The following TNKS variants were observed in gnomAD, a reference collection of about 807,000 sequenced individuals.
TNKS encodes the protein tankyrase.
A neutral mutation model predicts 135.8 loss-of-function variants in TNKS; 72 were observed. That is an observed-to-expected ratio of 0.53 (90% CI 0.44 to 0.64). TNKS has a LOEUF of 0.64. Among genes scored for constraint, TNKS ranks in the 30% least tolerant of loss-of-function variants. TNKS has a pLI of 0.00. For missense variants in TNKS, 1,769 were observed against 1,674.0 expected (o/e 1.06, Z -0.99); for synonymous variants, 849 against 649.3 (o/e 1.31, Z -4.68).
At chr8:9,740,140 T>C (rs545584147) in intron 17 of TNKS, among the ~76,000 whole-genome samples, 13 of 151,284 alleles carry the variant, frequency 8.6e-5, no homozygotes, top group South Asian at 8.4e-4. Flanking sequence ...GAGAGATGGA[T>C]TGCAGTGCCT....
rs1212329914 is a variant in TNKS at position 9,779,405 on chromosome 8, T to G, written c.*2669T>G. On this transcript the variant is annotated 3_prime_UTR_variant, in exon 27 of 27. Coordinates refer to ENST00000310430, the MANE Select transcript of TNKS (RefSeq NM_003747.3). ...ATATGGCCTACCCCGAAATGGCCCCTCTGTTTCCCTAACCACATGGAAGAA... is the reference window on the plus strand; with the variant it reads ...ATATGGCCTACCCCGAAATGGCCCCGCTGTTTCCCTAACCACATGGAAGAA... 1 of 152,218 alleles carries G rather than the reference T, an allele frequency of 6.6e-6. No individual in the cohort carries two copies. The highest frequency in any genetic ancestry group is 1.9e-4 in the East Asian group (1 of 5,196). 9.4% of individuals were successfully genotyped at this position (152,218 alleles called of 1,614,324 possible).
At chr8:9,602,914 C>T (rs1366515842) in intron 2 of TNKS, among the ~76,000 whole-genome samples, 4 of 152,066 alleles carry the variant, frequency 2.6e-5, no homozygotes, top group East Asian at 1.9e-4. Flanking sequence ...ATTGAAACAA[C>T]GTTTTCATGA....
chr8:9,734,488 C>T (rs1041030429), intron 15 of TNKS, among the ~76,000 whole-genome samples: 1 of 152,146 alleles, frequency 6.6e-6, no homozygotes, highest in Non-Finnish European at 1.5e-5. Context: ...TCTTCTTTTT[C>T]ATACCTACTG....
intron 2 of TNKS, 55 bp downstream of exon 2, chr8:9,580,438 T>C: frequency 6.6e-7 from 1 of 1,510,844 alleles, no homozygotes. Flanking sequence ...TCTTACTTTT[T>C]TTGTGGTACA....
chr8:9,615,430 C>T, intron 2 of TNKS, 152 bp from the exon 3 acceptor site: 1 of 530,354 alleles, frequency 1.9e-6, no homozygotes, highest in Non-Finnish European at 3.2e-6. Flanking sequence ...TCCTTTGCTG[C>T]AGTGCTTTTT....
intron 22 of TNKS, among the ~76,000 whole-genome samples, chr8:9,763,478 G>A (rs1338358410): frequency 2.0e-5 from 3 of 152,068 alleles, no homozygotes; most frequent in African/African-American, 7.2e-5. Context: ...TTATTCTGGA[G>A]ATTTTCTTGA....
intron 2 of TNKS, among the ~76,000 whole-genome samples, chr8:9,596,224 G>A (rs562658442): frequency 1.7e-4 from 26 of 152,148 alleles, no homozygotes; most frequent in Non-Finnish European, 3.4e-4. Context: ...AGACAAATGG[G>A]TTGTGTAACC....
Position 9,698,693 on chromosome 8 carries a change from A to T in TNKS, c.1108-5970A>T, listed in dbSNP as rs184979997. 3.3e-5 allele frequency among the ~76,000 whole-genome samples: 5 copies of T among 152,352 alleles called. No individual in the cohort carries two copies. In the East Asian group the frequency reaches 9.6e-4, roughly 29 times the overall value. On this transcript the variant is annotated intron_variant, in intron 5 of 26. Coordinates refer to ENST00000310430, the MANE Select transcript of TNKS (RefSeq NM_003747.3). ...CTTCCTGGACTTACGTTGAAGCCAC[A>T]GCTTTGCAAAAGGCTTATCAGTTGT...
Position 9,764,696 on chromosome 8 carries a change from T to C in TNKS, c.3373-20T>C. Reference sequence around the variant, plus strand: ...TACACACTGGGATGTTTTTATAAAATTAGTTATTTTGTTCTGTAGATGCAA... The same window carrying C: ...TACACACTGGGATGTTTTTATAAAACTAGTTATTTTGTTCTGTAGATGCAA... On this transcript the variant is annotated intron_variant, in intron 22 of 26. Transcript: ENST00000310430. The C allele has an allele frequency of 6.4e-7, 1 of 1,573,174 alleles. No homozygotes were observed. The highest frequency in any genetic ancestry group is 2.3e-5 in the East Asian group (1 of 42,798).
intron 1 of TNKS, among the ~76,000 whole-genome samples, chr8:9,570,060 A>G (rs933659049): frequency 4.6e-5 from 7 of 152,106 alleles, no homozygotes; most frequent in African/African-American, 1.7e-4. Flanking sequence ...TCTATTTTAA[A>G]TTTATTTTGC....
chr8:9,609,812 A>C (rs564701215), intron 2 of TNKS, among the ~76,000 whole-genome samples: 3 of 152,316 alleles, frequency 2.0e-5, no homozygotes, highest in South Asian at 4.1e-4. Flanking sequence ...TAAATTCAGT[A>C]AGCCATCCTA....
At chr8:9,774,315 G>C (rs138173085) in intron 26 of TNKS, among the ~76,000 whole-genome samples, 1 of 152,126 alleles carries the variant, frequency 6.6e-6, no homozygotes, top group Non-Finnish European at 1.5e-5. Flanking sequence ...TTTCTAAAAT[G>C]GTTTCCAAAC....
intron 1 of TNKS, 174 bp downstream of exon 1, chr8:9,556,786 C>A: frequency 4.6e-6 from 2 of 434,470 alleles, no homozygotes; most frequent in South Asian, 5.0e-5. Context: ...GTGATGGGGG[C>A]GTGGTTGGGG....
At chr8:9,735,124 T>G (rs1805629694) in intron 16 of TNKS, 40 bp downstream of exon 16, 1 of 1,583,902 alleles carries the variant, frequency 6.3e-7, no homozygotes, top group African/African-American at 1.4e-5. Flanking sequence ...TTTTCCTTTC[T>G]CGGACACCTA....
At chr8:9,618,363 C>G (rs1163749738) in intron 3 of TNKS, among the ~76,000 whole-genome samples, 2 of 152,210 alleles carry the variant, frequency 1.3e-5, no homozygotes, top group Non-Finnish European at 2.9e-5. Context: ...TTAAGGGACC[C>G]TAGCACATGG....
chr8:9,606,373 A>C (rs553578677), intron 2 of TNKS, among the ~76,000 whole-genome samples: 2 of 152,122 alleles, frequency 1.3e-5, no homozygotes, highest in South Asian at 4.1e-4. Context: ...TCATAACACA[A>C]AGTAGCTAGT....
At chr8:9,756,168 G>A (rs1806824959) in intron 20 of TNKS, among the ~76,000 whole-genome samples, 1 of 152,110 alleles carries the variant, frequency 6.6e-6, no homozygotes, top group South Asian at 2.1e-4. Flanking sequence ...CATGGAAAGT[G>A]ACCAGATAAA....
At chr8:9,570,707 G>T (rs1337810479) in intron 1 of TNKS, among the ~76,000 whole-genome samples, 1 of 152,138 alleles carries the variant, frequency 6.6e-6, no homozygotes, top group African/African-American at 2.4e-5. Context: ...TCTCCTGGTT[G>T]GCCACTCTTG....
intron 11 of TNKS, among the ~76,000 whole-genome samples, chr8:9,712,432 A>G (rs1024950065): frequency 3.3e-5 from 5 of 151,906 alleles, no homozygotes; most frequent in African/African-American, 1.2e-4. Context: ...GTGAGGTATG[A>G]TCATACCACT....
Sources: gnomAD v4.1 joint callset for allele counts (sites outside exome capture counted in the v4.1 genomes callset) on GRCh38, gnomAD v4.1.1 for gene constraint, MANE v1.5 for transcripts, NCBI Gene and HGNC (gene_info 2026-07-23, HGNC 2026-07-21) for gene names.